The following UNC13C variants were observed in gnomAD, a reference collection of about 807,000 sequenced individuals.
UNC13C encodes unc-13 homolog C, also known as protein unc-13 homolog C.
In UNC13C, 174 loss-of-function variants were observed where a neutral mutation model predicts 245.4. That is an observed-to-expected ratio of 0.71 (90% confidence interval 0.63 to 0.80). The LOEUF (loss-of-function observed/expected upper bound fraction) is 0.80, where lower values mean the gene tolerates loss of function less well. UNC13C is among the 30% of genes least tolerant of loss of function. The pLI is 0.00. For missense variants in UNC13C, 2,829 were observed against 2,602.9 expected (o/e 1.09, Z -1.89); for synonymous variants, 992 against 895.1 (o/e 1.11, Z -1.93).
chr15:54,564,601 G>T (rs1350949447), intron 29 of UNC13C, among the ~76,000 whole-genome samples: 3 of 151,918 alleles, frequency 2.0e-5, no homozygotes, highest in Non-Finnish European at 4.4e-5. Context: ...ATTATATGAA[G>T]TTCAGTGACA....
chr15:54,464,107 A>C (rs924813764), intron 19 of UNC13C, among the ~76,000 whole-genome samples: 1 of 152,214 alleles, frequency 6.6e-6, no homozygotes, highest in East Asian at 1.9e-4. Flanking sequence ...AACAGCAATT[A>C]AAAGTGCCTA....
intron 17 of UNC13C, among the ~76,000 whole-genome samples, chr15:54,360,873 G>A (rs1027014162): frequency 7.2e-5 from 11 of 152,138 alleles, no homozygotes; most frequent in Non-Finnish European, 1.6e-4. Context: ...GTTCTCTGCT[G>A]TTGCTGTTTT....
chr15:54,587,724 C>A (rs1280867411), intron 30 of UNC13C, among the ~76,000 whole-genome samples: 11 of 152,132 alleles, frequency 7.2e-5, no homozygotes, highest in Admixed American at 7.2e-4. Flanking sequence ...CCACCCACCT[C>A]CCCATGCCCA....
intron 18 of UNC13C, among the ~76,000 whole-genome samples, chr15:54,410,850 G>T (rs528830684): frequency 1.3e-4 from 19 of 151,994 alleles, no homozygotes; most frequent in African/African-American, 4.3e-4. Flanking sequence ...GTTCTTTCTT[G>T]GTTCCATATG....
At chr15:53,957,526 A>G in the UNC13C span, among the ~76,000 whole-genome samples, 1,881 of 152,308 alleles carry the variant, frequency 0.012, 36 homozygotes, top group African/African-American at 0.043. Context: ...ATTTTTAAAA[A>G]ATCTCACAAC....
chr15:54,490,038 A>G (rs935565932), intron 19 of UNC13C, among the ~76,000 whole-genome samples: 1 of 152,184 alleles, frequency 6.6e-6, no homozygotes, highest in Non-Finnish European at 1.5e-5. Context: ...TCCACGGAGA[A>G]CAATAAATAT....
intron 25 of UNC13C, among the ~76,000 whole-genome samples, chr15:54,529,216 T>C (rs567261440): frequency 6.6e-6 from 1 of 152,238 alleles, no homozygotes; most frequent in Admixed American, 6.5e-5. Flanking sequence ...AGATCAAACC[T>C]GATGGTAGAA....
At chr15:54,210,151 G>C (rs768772308) in intron 4 of UNC13C, among the ~76,000 whole-genome samples, 2 of 149,768 alleles carry the variant, frequency 1.3e-5, no homozygotes, top group African/African-American at 2.5e-5. Flanking sequence ...TATAGTTGTT[G>C]TTCCAGAAAT....
chr15:54,293,916 T>C lies in UNC13C; in HGVS notation c.3840T>C (p.Asp1280=). 6.3e-7 allele frequency: 1 copy of C among 1,577,892 alleles called. No individual in the cohort carries two copies. Among genetic ancestry groups the C allele is most frequent in the Non-Finnish European group, 8.6e-7 (1 of 1,166,220 alleles). ...TCAGTGAGTGTCATAACTCCACAGA[T>C]CGAATCAAAGTCAGAGTATGGGATG... The part of the protein sequence containing the change: ...KFYFECHNST[D]RIKVRVWDED... The change falls in exon 11 of 33, where the codon GAT becomes GAC. Residue 1280 remains aspartate (D), a synonymous_variant. Transcript: ENST00000260323.
chr15:53,941,889 TAA>T, the UNC13C span, among the ~76,000 whole-genome samples: 1 of 152,098 alleles, frequency 6.6e-6, no homozygotes, highest in African/African-American at 2.4e-5. Context: ...TGGTGGTTAT[TAA>T]AAAGTCAAGA....
At chr15:54,320,429 CTA>C (rs35358197) in intron 13 of UNC13C, among the ~76,000 whole-genome samples, 8,891 of 151,978 alleles carry the variant, frequency 0.059, 315 homozygotes, top group Admixed American at 0.1. Flanking sequence ...CATGATCAAA[CTA>C]TTACATTTAG....
At chr15:54,099,796 C>T (rs1595853875) in intron 2 of UNC13C, among the ~76,000 whole-genome samples, 2 of 152,116 alleles carry the variant, frequency 1.3e-5, no homozygotes, top group South Asian at 2.1e-4. Context: ...ATATATCCCA[C>T]ATTTAAAAAA....
intron 2 of UNC13C, among the ~76,000 whole-genome samples, chr15:54,027,766 G>A (rs561138677): frequency 6.6e-6 from 1 of 150,842 alleles, no homozygotes; most frequent in Admixed American, 6.6e-5. Flanking sequence ...ACACACTGTA[G>A]TGAAAATTTG....
chr15:53,916,932 ATT>A, the UNC13C span, among the ~76,000 whole-genome samples: 1 of 152,184 alleles, frequency 6.6e-6, no homozygotes, highest in East Asian at 1.9e-4. Flanking sequence ...TCGTTTACAG[ATT>A]ATACTCTGGG....
At chr15:54,564,980 G>A (rs1897448998) in intron 29 of UNC13C, among the ~76,000 whole-genome samples, 1 of 151,830 alleles carries the variant, frequency 6.6e-6, no homozygotes, top group African/African-American at 2.4e-5. Flanking sequence ...AGACTCCCAG[G>A]GTTTGTCTTG....
At chr15:53,887,232 C>G in the UNC13C span, among the ~76,000 whole-genome samples, 3 of 152,084 alleles carry the variant, frequency 2.0e-5, no homozygotes, top group Non-Finnish European at 4.4e-5. Context: ...TTTTGTAAAT[C>G]TAAAACTGGT....
At chr15:54,313,324 T>C (rs1287740876) in intron 13 of UNC13C, among the ~76,000 whole-genome samples, 1 of 151,830 alleles carries the variant, frequency 6.6e-6, no homozygotes, top group Non-Finnish European at 1.5e-5. Context: ...ACTCTAACTC[T>C]ACATCAATAC....
chr15:54,102,831 AAAG>A (rs1437537106), intron 2 of UNC13C, among the ~76,000 whole-genome samples: 1 of 152,172 alleles, frequency 6.6e-6, no homozygotes, highest in Non-Finnish European at 1.5e-5. Context: ...ATGGGGATAA[AAAG>A]AAGAACATTT....
chr15:54,418,086 A>G (rs1478957232), intron 19 of UNC13C, among the ~76,000 whole-genome samples: 1 of 152,086 alleles, frequency 6.6e-6, no homozygotes, highest in Non-Finnish European at 1.5e-5. Flanking sequence ...ATTGAAGTAC[A>G]TTGTTCATCA....
Sources: gnomAD v4.1 joint callset for allele counts (sites outside exome capture counted in the v4.1 genomes callset) on GRCh38, gnomAD v4.1.1 for gene constraint, MANE v1.5 for transcripts, NCBI Gene and HGNC (gene_info 2026-07-23, HGNC 2026-07-21) for gene names.